LMX1B: variants seen among roughly 807,000 people sequenced by gnomAD.
LMX1B encodes LIM homeobox transcription factor 1 beta.
In LMX1B, 12 loss-of-function variants were observed where a neutral mutation model predicts 51.4. The observed-to-expected ratio is 0.23, with a 90% CI of 0.15 to 0.38. The LOEUF is 0.38. Among genes scored for constraint, LMX1B ranks in the 10% least tolerant of loss-of-function variants. The pLI is 1.00. For synonymous variants in LMX1B, 237 were observed against 235.4 expected (o/e 1.01, Z -0.06); for missense variants, 445 against 571.1 (o/e 0.78, Z 2.25).
At chr9:126,680,717 G>A (rs1351623137) in intron 2 of LMX1B, among the ~76,000 whole-genome samples, 2 of 152,126 alleles carry the variant, frequency 1.3e-5, no homozygotes, top group African/African-American at 2.4e-5. Context: ...ATGAATGGGT[G>A]AATCACCAAA....
chr9:126,646,484 C>T (rs866239585), intron 2 of LMX1B, among the ~76,000 whole-genome samples: 3 of 152,194 alleles, frequency 2.0e-5, no homozygotes, highest in Admixed American at 6.5e-5. Context: ...TTCATACAGA[C>T]CCCATGTTAG....
At chr9:126,622,285 C>G (rs1006724036) in intron 2 of LMX1B, among the ~76,000 whole-genome samples, 3 of 152,146 alleles carry the variant, frequency 2.0e-5, no homozygotes, top group Non-Finnish European at 4.4e-5. Context: ...AGCCTGGTTC[C>G]AGAAGAAACA....
intron 2 of LMX1B, among the ~76,000 whole-genome samples, chr9:126,679,086 T>C (rs896477544): frequency 6.6e-6 from 1 of 152,214 alleles, no homozygotes; most frequent in Non-Finnish European, 1.5e-5. Flanking sequence ...ATACCTGCTC[T>C]CCCATTCTAC....
intron 2 of LMX1B, among the ~76,000 whole-genome samples, chr9:126,651,480 G>A (rs1207524833): frequency 6.6e-6 from 1 of 152,068 alleles, no homozygotes. Context: ...CTCCTGTTGG[G>A]GGTCTTTGTG....
intron 2 of LMX1B, among the ~76,000 whole-genome samples, chr9:126,679,069 G>T (rs1056503350): frequency 4.6e-5 from 7 of 152,232 alleles, no homozygotes; most frequent in Admixed American, 6.5e-5. Context: ...CACTCCGCTC[G>T]CATGGAATAC....
chr9:126,628,613 G>T (rs527853785), intron 2 of LMX1B, among the ~76,000 whole-genome samples: 1 of 152,166 alleles, frequency 6.6e-6, no homozygotes, highest in Non-Finnish European at 1.5e-5. Flanking sequence ...GATCTGAAGC[G>T]AAATTAATTA....
At chr9:126,651,408 G>T (rs1472157489) in intron 2 of LMX1B, among the ~76,000 whole-genome samples, 1 of 151,214 alleles carries the variant, frequency 6.6e-6, no homozygotes, top group African/African-American at 2.4e-5. Context: ...AAGGGGTGGG[G>T]CACAGGGGGC....
In LMX1B at chr9:126,625,811, G is replaced by T. The variant is rs578233221; in HGVS notation, c.326+10242G>T. Among the ~76,000 whole-genome samples the T allele has an allele frequency of 4.3e-4, 65 of 152,170 alleles. No homozygotes were observed. The highest frequency in any genetic ancestry group is 9.1e-4 in the Non-Finnish European group (62 of 68,028). ...TGCCGACTGGCCCTTCGACGTCGCC[G>T]CCGTGCCTGAGCCCCGCTGCCTGCT... On this transcript the variant is annotated intron_variant, in intron 2 of 7. Coordinates refer to ENST00000373474, the MANE Select transcript of LMX1B (RefSeq NM_001174147.2). The surrounding 1 kb of genome is among the most constrained non-coding windows in gnomAD (Gnocchi z 5.3).
chr9:126,663,609 C>G (rs755318410), intron 2 of LMX1B, among the ~76,000 whole-genome samples: 9 of 152,184 alleles, frequency 5.9e-5, no homozygotes, highest in African/African-American at 2.2e-4. Flanking sequence ...TAAACACATA[C>G]GATGTTTGGA....
At chr9:126,635,663 T>C (rs747459888) in intron 2 of LMX1B, among the ~76,000 whole-genome samples, 11 of 152,240 alleles carry the variant, frequency 7.2e-5, no homozygotes, top group South Asian at 2.1e-4. Context: ...GGGGAAATGA[T>C]AGCTGCTAGA....
chr9:126,627,531 G>A (rs1204171493), intron 2 of LMX1B, among the ~76,000 whole-genome samples: 2 of 152,054 alleles, frequency 1.3e-5, no homozygotes, highest in Non-Finnish European at 2.9e-5. Flanking sequence ...CTTGGTCAGG[G>A]TGGGAGGGGC....
chr9:126,642,614 C>T (rs2118884329), intron 2 of LMX1B, among the ~76,000 whole-genome samples: 1 of 152,364 alleles, frequency 6.6e-6, no homozygotes, highest in Non-Finnish European at 1.5e-5. Context: ...TGTGGCTTTG[C>T]CACCGTCTCC....
At position 126,696,756 on chromosome 9, in the gene LMX1B, CTT is replaced by C; in HGVS notation, c.*310_*311del. On this transcript the variant is annotated 3_prime_UTR_variant, in exon 8 of 8. Coordinates refer to ENST00000373474, the MANE Select transcript of LMX1B (RefSeq NM_001174147.2). Reference sequence around the variant, plus strand: ...GGCCTCCATCGCCTCCTCCCCATCTCTTTTTTGGGAAGCTTAAATTCTCTCTA... The same window carrying C: ...GGCCTCCATCGCCTCCTCCCCATCTCTTTTGGGAAGCTTAAATTCTCTCTA... The C allele has an allele frequency of 2.0e-6, 1 of 498,704 alleles. No homozygotes were observed. The allele number at this position is 498,704 out of a possible 1,614,324, so 30.9% of individuals were successfully genotyped here. A position where few individuals can be genotyped will look rare whatever the true frequency, so the allele number is the denominator to read the frequency against.
chr9:126,691,014 T>C lies in LMX1B; in HGVS notation c.505T>C (p.Tyr169His). The C allele has an allele frequency of 6.2e-7, 1 of 1,613,986 alleles. No homozygotes were observed. The highest frequency in any genetic ancestry group is 8.5e-7 in the Non-Finnish European group (1 of 1,179,936). ...GGGCCAGCTGCTGTGCAAGGGTGAC[T>C]ACGAGAAGGAGAAGGACCTGCTCAG... ...KEGQLLCKGDYEKEKDLLSSV... is the reference protein window; with the variant it reads ...KEGQLLCKGDHEKEKDLLSSV... Residue 169 changes from tyrosine (Y) to histidine (H), a missense_variant, in exon 3 of 8, where the codon TAC becomes CAC. Physicochemically the swap from Tyr to His is moderately conservative, Grantham distance 83. Coordinates refer to ENST00000373474, the MANE Select transcript of LMX1B (RefSeq NM_001174147.2).
intron 2 of LMX1B, among the ~76,000 whole-genome samples, chr9:126,643,549 C>T (rs1225948376): frequency 1.3e-5 from 2 of 150,214 alleles, no homozygotes; most frequent in African/African-American, 5.0e-5. Context: ...TTGTCCCTGA[C>T]ACAGCTGAGC....
chr9:126,681,910 A>AAATAAT (rs779548204), intron 2 of LMX1B, among the ~76,000 whole-genome samples: 1 of 149,712 alleles, frequency 6.7e-6, no homozygotes, highest in Non-Finnish European at 1.5e-5. Flanking sequence ...CAAAAAAAAA[A>AAATAAT]AATAATAATA....
rs544977500 is a variant in LMX1B at position 126,669,291 on chromosome 9, G to A, written c.327-21545G>A. ...GGCTCCTGTAGATATGAGAACTCCC[G>A]GCGGATGAGGCCTGGGGAGAGGGAG... is the stretch of plus-strand genomic sequence containing the variant. On this transcript the variant is annotated intron_variant, in intron 2 of 7. Coordinates refer to ENST00000373474, the MANE Select transcript of LMX1B (RefSeq NM_001174147.2). Among the ~76,000 whole-genome samples, 29 of 152,054 alleles carry A rather than the reference G, an allele frequency of 1.9e-4. No individual in the cohort carries two copies. The South Asian group carries it at 5.0e-3, about 26-fold the overall frequency.
chr9:126,661,213 G>A (rs981998546), intron 2 of LMX1B, among the ~76,000 whole-genome samples: 18 of 151,394 alleles, frequency 1.2e-4, no homozygotes, highest in Non-Finnish European at 2.7e-4. Context: ...CACGCAGGGC[G>A]ACCTCTCAGG....
intron 2 of LMX1B, among the ~76,000 whole-genome samples, chr9:126,657,745 G>C (rs1028598069): frequency 6.6e-6 from 1 of 152,224 alleles, no homozygotes; most frequent in Non-Finnish European, 1.5e-5. Context: ...TTGCTTATGC[G>C]CCAGCCAGCG....
Sources: allele counts gnomAD v4.1 joint callset (sites outside exome capture counted in the v4.1 genomes callset), GRCh38; gene constraint gnomAD v4.1.1; non-coding constraint Gnocchi (gnomAD v3.1); transcripts MANE v1.5; gene names NCBI Gene and HGNC (gene_info 2026-07-23, HGNC 2026-07-21).